Variants in NGEF observed in about 807,000 individuals in gnomAD.
The protein encoded by NGEF is ephexin-1.
A neutral mutation model predicts 80.9 loss-of-function variants in NGEF; 31 were observed. The ratio of observed to expected loss-of-function variants is 0.38; its 90% CI spans 0.29 to 0.52. The LOEUF (loss-of-function observed/expected upper bound fraction) is 0.52, where lower values mean the gene tolerates loss of function less well. NGEF is among the 20% of genes least tolerant of loss of function. The pLI is 0.84. For missense variants in NGEF, 709 were observed against 926.2 expected (o/e 0.77, Z 3.04); for synonymous variants, 371 against 370.2 (o/e 1.00, Z -0.03).
At chr2:232,977,364 G>GT (rs1362591955) in intron 1 of NGEF, among the ~76,000 whole-genome samples, 1 of 152,194 alleles carries the variant, frequency 6.6e-6, no homozygotes, top group Non-Finnish European at 1.5e-5. Flanking sequence ...TGAGCTCAGT[G>GT]TAAGGCGGAG....
intron 3 of NGEF, chr2:232,927,769 G>A: frequency 1.9e-6 from 1 of 517,336 alleles, no homozygotes; most frequent in Non-Finnish European, 2.9e-6. Flanking sequence ...AGTAGGGGCG[G>A]CGGGGGCCCG....
intron 3 of NGEF, among the ~76,000 whole-genome samples, chr2:232,968,629 C>T (rs559654255): frequency 1.3e-5 from 2 of 152,078 alleles, no homozygotes; most frequent in East Asian, 1.9e-4. Context: ...TGGTCTCGAA[C>T]TCCTGACCTC....
intron 8 of NGEF, among the ~76,000 whole-genome samples, chr2:232,890,325 C>T (rs898329419): frequency 6.6e-6 from 1 of 152,148 alleles, no homozygotes; most frequent in African/African-American, 2.4e-5. Flanking sequence ...GCCCCATCCC[C>T]CTGAGTCTCC....
At chr2:232,893,493 G>A (rs1027013800) in intron 6 of NGEF, among the ~76,000 whole-genome samples, 46 of 152,296 alleles carry the variant, frequency 3.0e-4, no homozygotes, top group Admixed American at 9.1e-4. Context: ...CCGTGGCAGG[G>A]CCAGGCGCAG....
intron 9 of NGEF, among the ~76,000 whole-genome samples, chr2:232,886,010 G>A (rs1007988731): frequency 3.3e-5 from 5 of 152,240 alleles, no homozygotes; most frequent in African/African-American, 9.6e-5. Context: ...GAAAGAGGCA[G>A]GGACTCCACC....
Position 232,892,430 on chromosome 2 carries a change from A to G in NGEF, c.1142+468T>C, listed in dbSNP as rs922306497. On this transcript the variant is annotated intron_variant, in intron 7 of 14. Coordinates refer to ENST00000264051, the MANE Select transcript of NGEF (RefSeq NM_019850.3). This position sits in a 1 kb window ranked among gnomAD's most constrained non-coding sequence, Gnocchi z 4.0. ...AATTACCTTGTCAACTAAACCTCAGAGAAAGTTTACAAAATGGGCAGATTA... is the reference window on the plus strand; with the variant it reads ...AATTACCTTGTCAACTAAACCTCAGGGAAAGTTTACAAAATGGGCAGATTA... Among the ~76,000 whole-genome samples the G allele has an allele frequency of 6.6e-6, 1 of 152,170 alleles. No homozygotes were observed. The highest frequency in any genetic ancestry group is 2.4e-5 in the African/African-American group (1 of 41,440).
chr2:232,976,494 G>A (rs530550357), intron 1 of NGEF, among the ~76,000 whole-genome samples: 8 of 152,282 alleles, frequency 5.3e-5, no homozygotes, highest in Admixed American at 2.0e-4. Flanking sequence ...CCCAGGCCGA[G>A]AATGCCTTCG....
chr2:232,972,427 T>C (rs1694212529), intron 2 of NGEF, among the ~76,000 whole-genome samples: 1 of 152,214 alleles, frequency 6.6e-6, no homozygotes, highest in Admixed American at 6.5e-5. Flanking sequence ...ATGTGGCCAC[T>C]GGAAAATTTA....
intron 12 of NGEF, among the ~76,000 whole-genome samples, 165 bp from the exon 13 acceptor site, chr2:232,882,430 G>A (rs1256205063): frequency 6.6e-6 from 1 of 152,244 alleles, no homozygotes; most frequent in Non-Finnish European, 1.5e-5. Flanking sequence ...GAAACGGGCT[G>A]GTCCAGGGTC....
At chr2:232,944,449 G>A (rs1693507611) in intron 3 of NGEF, among the ~76,000 whole-genome samples, 1 of 151,996 alleles carries the variant, frequency 6.6e-6, no homozygotes, top group Admixed American at 6.6e-5. Context: ...AATGAACCAT[G>A]GTATAGTCAC....
intron 5 of NGEF, among the ~76,000 whole-genome samples, chr2:232,910,601 AG>A (rs142004421): frequency 0.023 from 3,566 of 152,294 alleles, 144 homozygotes; most frequent in African/African-American, 0.081. Flanking sequence ...GCTGCTGGGT[AG>A]TACCATAAGT....
At chr2:232,918,446 T>A (rs1337023168) in intron 5 of NGEF, among the ~76,000 whole-genome samples, 1 of 152,070 alleles carries the variant, frequency 6.6e-6, no homozygotes, top group Non-Finnish European at 1.5e-5. Context: ...GTAAGCCGTT[T>A]GCATTATTGT....
chr2:232,968,381 C>T (rs963156414), intron 3 of NGEF, among the ~76,000 whole-genome samples: 1 of 151,500 alleles, frequency 6.6e-6, no homozygotes, highest in Admixed American at 6.6e-5. Flanking sequence ...AGCCACTGCA[C>T]CTGGCCCAGA....
At chr2:232,903,391 T>C (rs546462417) in intron 5 of NGEF, among the ~76,000 whole-genome samples, 5 of 151,928 alleles carry the variant, frequency 3.3e-5, no homozygotes, top group Non-Finnish European at 4.4e-5. Context: ...GATGGAAAGA[T>C]ATGGTCAGTA....
At chr2:232,885,469 G>T in intron 9 of NGEF, 100 bp from the exon 10 acceptor site, 1 of 918,452 alleles carries the variant, frequency 1.1e-6, no homozygotes, top group Non-Finnish European at 1.7e-6. Context: ...TGACCACCGT[G>T]ACCAGACACT....
intron 3 of NGEF, among the ~76,000 whole-genome samples, chr2:232,969,181 A>G (rs1310271824): frequency 6.6e-6 from 1 of 152,248 alleles, no homozygotes; most frequent in African/African-American, 2.4e-5. Context: ...TTATAGTAAG[A>G]TGTCATTTTA....
At chr2:232,909,047 C>A (rs1370356905) in intron 5 of NGEF, among the ~76,000 whole-genome samples, 1 of 152,170 alleles carries the variant, frequency 6.6e-6, no homozygotes, top group Non-Finnish European at 1.5e-5. Context: ...GACATTCCTT[C>A]TTTCTGGCTT....
chr2:232,963,745 C>T (rs918636050), intron 3 of NGEF, among the ~76,000 whole-genome samples: 26 of 151,816 alleles, frequency 1.7e-4, no homozygotes, highest in Admixed American at 1.3e-3. Context: ...ACCTGGGAGG[C>T]AAGGTTGCAG....
chr2:232,885,131 C>T, intron 10 of NGEF, 149 bp downstream of exon 10: 1 of 673,826 alleles, frequency 1.5e-6, no homozygotes, highest in Non-Finnish European at 2.5e-6. Context: ...GTGGCTTCAG[C>T]TGGGGAGGTC....
Sources: allele counts gnomAD v4.1 joint callset (sites outside exome capture counted in the v4.1 genomes callset), GRCh38; gene constraint gnomAD v4.1.1; non-coding constraint Gnocchi (gnomAD v3.1); transcripts MANE v1.5; gene names NCBI Gene and HGNC (gene_info 2026-07-23, HGNC 2026-07-21).